CCM2: variants seen among roughly 807,000 people sequenced by gnomAD.
The protein encoded by CCM2 is cerebral cavernous malformations 2 protein.
Under a neutral mutation model 44.9 loss-of-function variants are expected in CCM2, and 25 were observed. The ratio of observed to expected loss-of-function variants is 0.56; its 90% CI spans 0.41 to 0.78. The LOEUF (loss-of-function observed/expected upper bound fraction) is 0.78. CCM2 is among the 30% of genes least tolerant of loss of function. The pLI, the probability that CCM2 is intolerant of heterozygous loss-of-function variation, is 0.00. For synonymous variants in CCM2, 219 were observed against 241.1 expected (o/e 0.91, Z 0.85); for missense variants, 481 against 580.6 (o/e 0.83, Z 1.76).
intron 2 of CCM2, among the ~76,000 whole-genome samples, chr7:45,038,856 C>T (rs1168560655): frequency 2.6e-5 from 4 of 152,196 alleles, no homozygotes; most frequent in African/African-American, 9.7e-5. Context: ...GTCTCAAAGG[C>T]CTGAGGCCAA....
chr7:45,068,463 C>T lies in CCM2; in HGVS notation c.493C>T (p.Pro165Ser). The T allele has an allele frequency of 6.2e-7, 1 of 1,614,192 alleles. No individual in the cohort carries two copies. The highest frequency in any genetic ancestry group is 1.1e-5 in the South Asian group (1 of 91,088). Residue 165 changes from proline to serine, a missense_variant, in exon 5 of 10, where the codon CCC becomes TCC. Transcript: ENST00000258781. ...CTCAGCCCAGGACCCAGGGATCTCC[C>T]CCAGCCAGAGTCTGTGTGCGGAAAG... ...LKTAQDPGIS[P>S]SQSLCAESSR...
chr7:45,038,915 T>G (rs896410365), intron 2 of CCM2, among the ~76,000 whole-genome samples: 1 of 152,086 alleles, frequency 6.6e-6, no homozygotes, highest in Non-Finnish European at 1.5e-5. Context: ...TTTTAATCCC[T>G]CCCCTAAAAT....
chr7:45,016,456 A>C (rs1796268235), intron 1 of CCM2, among the ~76,000 whole-genome samples: 1 of 150,240 alleles, frequency 6.7e-6, no homozygotes, highest in South Asian at 2.1e-4. Context: ...CAGCCTCCTG[A>C]GTAGCTGGGA....
chr7:45,046,029 A>G (rs958875107), intron 2 of CCM2, among the ~76,000 whole-genome samples: 3 of 152,224 alleles, frequency 2.0e-5, no homozygotes, highest in African/African-American at 7.2e-5. Context: ...TGGAAGACTC[A>G]ACCTAATTAG....
intron 1 of CCM2, among the ~76,000 whole-genome samples, chr7:45,037,115 T>C (rs182198841): frequency 1.3e-5 from 2 of 152,246 alleles, no homozygotes; most frequent in African/African-American, 4.8e-5. Context: ...ATAGGGATTG[T>C]AGCATGATCT....
At chr7:45,070,537 G>A (rs750578824) in intron 6 of CCM2, 1 of 433,802 alleles carries the variant, frequency 2.3e-6, no homozygotes, top group East Asian at 7.2e-5. Flanking sequence ...GAGTCTGTTA[G>A]TCCATTGAAA....
chr7:45,060,993 G>T (rs142695552), intron 2 of CCM2, among the ~76,000 whole-genome samples: 101 of 152,282 alleles, frequency 6.6e-4, no homozygotes, highest in African/African-American at 2.2e-3. Context: ...GGTACGTTTG[G>T]CTGGCTGGGA....
chr7:45,026,268 A>C (rs1476964255), intron 1 of CCM2, among the ~76,000 whole-genome samples: 1 of 152,190 alleles, frequency 6.6e-6, no homozygotes, highest in Non-Finnish European at 1.5e-5. Context: ...AAAGACAGAA[A>C]GTGACAGTCC....
chr7:45,070,047 T>A, intron 6 of CCM2, 86 bp downstream of exon 6: 6 of 1,540,336 alleles, frequency 3.9e-6, no homozygotes, highest in Non-Finnish European at 5.3e-6. Flanking sequence ...GAGTTACTCC[T>A]GGAATAGCGC....
rs1290574726 is a variant in CCM2 at position 45,009,763 on chromosome 7, C to T, written c.30+9400C>T. On this transcript the variant is annotated intron_variant, in intron 1 of 9. Transcript: ENST00000258781. Reference sequence around the variant, plus strand: ...GTTTATCACTGTACCTGCCCATCAACTCATTTTATTTTTCTGATGCATTCC... The same window carrying T: ...GTTTATCACTGTACCTGCCCATCAATTCATTTTATTTTTCTGATGCATTCC... Among the ~76,000 whole-genome samples the T allele has an allele frequency of 2.6e-5, 4 of 152,140 alleles. No individual in the cohort carries two copies. In the East Asian group the frequency reaches 7.7e-4, roughly 29 times the overall value.
At chr7:45,033,803 ATGTGCCATC>A (rs1797081786) in intron 1 of CCM2, among the ~76,000 whole-genome samples, 1 of 36,970 alleles carries the variant, frequency 2.7e-5, no homozygotes. Context: ...AAAGTAATTC[ATGTGCCATC>A]TGTCACTTGA....
chr7:45,064,614 A>T lies in CCM2; in HGVS notation c.440A>T (p.Asp147Val). ...ATCGCCGCCGTCTCCTATGTTCGGG[A>T]TGACGCTGCACACCTGGTGGTCCTG... The part of the protein sequence containing the change: ...HDIAAVSYVR[D>V]DAAHLVVLKT... The change falls in exon 4 of 10, where the codon GAT (aspartate) becomes GTT (valine). Residue 147 changes from aspartate (D) to valine (V), a missense_variant. Asp to Val is a radical substitution (Grantham distance 152). Coordinates refer to ENST00000258781, the MANE Select transcript of CCM2 (RefSeq NM_031443.4). 6.2e-7 allele frequency: 1 copy of T among 1,613,954 alleles called. No individual in the cohort carries two copies. Among genetic ancestry groups the T allele is most frequent in the Non-Finnish European group, 8.5e-7 (1 of 1,180,028 alleles).
At chr7:45,058,361 C>T (rs1016855813) in intron 2 of CCM2, among the ~76,000 whole-genome samples, 1 of 151,918 alleles carries the variant, frequency 6.6e-6, no homozygotes, top group African/African-American at 2.4e-5. Flanking sequence ...GGTACATGTG[C>T]ACAACGTGCA....
At chr7:45,015,980 T>C (rs1186654163) in intron 1 of CCM2, among the ~76,000 whole-genome samples, 1 of 152,238 alleles carries the variant, frequency 6.6e-6, no homozygotes. Flanking sequence ...TATCCCTCCT[T>C]TTATCATTTT....
intron 1 of CCM2, among the ~76,000 whole-genome samples, chr7:45,013,816 C>G (rs1231766374): frequency 6.6e-6 from 1 of 152,130 alleles, no homozygotes; most frequent in Non-Finnish European, 1.5e-5. Flanking sequence ...AGTAGGATGT[C>G]TCTCAGTTGG....
At chr7:45,028,764 T>C (rs1796814420) in intron 1 of CCM2, among the ~76,000 whole-genome samples, 1 of 151,906 alleles carries the variant, frequency 6.6e-6, no homozygotes, top group Non-Finnish European at 1.5e-5. Flanking sequence ...AGGTCCTTTT[T>C]CCATTGGTAG....
chr7:45,024,230 A>G (rs1201042196), intron 1 of CCM2, among the ~76,000 whole-genome samples: 1 of 152,220 alleles, frequency 6.6e-6, no homozygotes, highest in South Asian at 2.1e-4. Flanking sequence ...AATGTTCAGG[A>G]AAGACTCTTC....
chr7:45,024,981 A>G (rs568500646), intron 1 of CCM2, among the ~76,000 whole-genome samples: 2 of 152,256 alleles, frequency 1.3e-5, no homozygotes, highest in African/African-American at 4.8e-5. Flanking sequence ...TTCTCCTCTT[A>G]GGAAACTGTT....
At chr7:45,052,234 C>G (rs565588755) in intron 2 of CCM2, among the ~76,000 whole-genome samples, 5 of 152,182 alleles carry the variant, frequency 3.3e-5, no homozygotes, top group Non-Finnish European at 5.9e-5. Flanking sequence ...CAAAGGAGTT[C>G]TGAAGTATTC....
Sources: allele counts gnomAD v4.1 joint callset (sites outside exome capture counted in the v4.1 genomes callset), GRCh38; gene constraint gnomAD v4.1.1; transcripts MANE v1.5; gene names NCBI Gene and HGNC (gene_info 2026-07-23, HGNC 2026-07-21).